Variants in ZNRF1 observed in about 807,000 individuals in gnomAD.
ZNRF1 encodes the protein E3 ubiquitin-protein ligase ZNRF1.
In ZNRF1, 3 loss-of-function variants were observed where a neutral mutation model predicts 18.4. The observed-to-expected ratio is 0.16, with a 90% confidence interval of 0.07 to 0.42. The LOEUF (loss-of-function observed/expected upper bound fraction) is 0.42, where lower values mean the gene tolerates loss of function less well. ZNRF1 is among the 10% of genes least tolerant of loss of function. The pLI, the probability that ZNRF1 is intolerant of heterozygous loss-of-function variation, is 0.99. For missense variants in ZNRF1, 310 were observed against 329.8 expected, an observed-to-expected ratio of 0.94 and a Z score of 0.47; for synonymous variants, 157 against 144.2, an observed-to-expected ratio of 1.09 and a Z score of -0.64.
rs527529707 is a variant in ZNRF1 at position 75,030,133 on chromosome 16, A to G, written c.424+30038A>G. Among the ~76,000 whole-genome samples, 5 of 152,256 alleles carry G rather than the reference A, an allele frequency of 3.3e-5. No homozygotes were observed. The East Asian group carries it at 9.6e-4, about 29-fold the overall frequency. On this transcript the variant is annotated intron_variant, in intron 1 of 4. Coordinates refer to ENST00000335325, the MANE Select transcript of ZNRF1 (RefSeq NM_032268.5). ...CATACAATTCACTCATTCAAAGTAA[A>G]CAGTTGAATGGTTTTTAGTATATTC...
intron 1 of ZNRF1, among the ~76,000 whole-genome samples, chr16:75,044,958 C>T (rs1179970482): frequency 6.6e-6 from 1 of 152,184 alleles, no homozygotes; most frequent in Non-Finnish European, 1.5e-5. Context: ...CATAATACTT[C>T]CACCAGAAGA....
chr16:75,101,748 G>T (rs1050240073), intron 2 of ZNRF1, among the ~76,000 whole-genome samples: 1 of 152,164 alleles, frequency 6.6e-6, no homozygotes, highest in Admixed American at 6.5e-5. Flanking sequence ...TACATAAAAG[G>T]ATTTTTCTCC....
chr16:75,050,825 T>C (rs1210754565), intron 1 of ZNRF1, among the ~76,000 whole-genome samples: 95 of 124,588 alleles, frequency 7.6e-4, no homozygotes, highest in Non-Finnish European at 1.4e-3. Context: ...GAGCCAAGAT[T>C]GCGCCACTGC....
chr16:75,099,548 A>T (rs930779403), intron 2 of ZNRF1, among the ~76,000 whole-genome samples: 1 of 152,208 alleles, frequency 6.6e-6, no homozygotes, highest in African/African-American at 2.4e-5. Context: ...TTGGGCAGTG[A>T]CATTGGCTGG....
At chr16:75,106,244 A>G in intron 3 of ZNRF1, 1 of 530,362 alleles carries the variant, frequency 1.9e-6, no homozygotes. Context: ...TTCCTGCAGC[A>G]CCAGATCCCC....
chr16:75,097,496 G>A (rs1418819433), intron 2 of ZNRF1, among the ~76,000 whole-genome samples: 1 of 152,136 alleles, frequency 6.6e-6, no homozygotes, highest in African/African-American at 2.4e-5. Context: ...CCATCTTTAA[G>A]GCTCTTGAGA....
At chr16:75,032,978 A>G (rs1020520184) in intron 1 of ZNRF1, among the ~76,000 whole-genome samples, 1 of 152,054 alleles carries the variant, frequency 6.6e-6, no homozygotes, top group African/African-American at 2.4e-5. Context: ...ATGCTGCTGC[A>G]CTCCATCTGG....
chr16:75,016,163 G>A (rs1046744567), intron 1 of ZNRF1, among the ~76,000 whole-genome samples: 6 of 151,778 alleles, frequency 4.0e-5, no homozygotes, highest in East Asian at 3.9e-4. Context: ...CTCGTGACCC[G>A]TCCACCGCCT....
rs2036342000 is a variant in ZNRF1, at chr16:75,108,421, C to A, written c.*721C>A. ...CAAGTGTCCTGCAAAAATGCCTGAA[C>A]ATTATTCTTAGGCCCTCGTGGATTT... is the stretch of plus-strand genomic sequence containing the variant. On this transcript the variant is annotated 3_prime_UTR_variant, in exon 5 of 5. Transcript: ENST00000335325. 1.3e-5 allele frequency: 5 copies of A among 394,504 alleles called. No individual in the cohort carries two copies. The East Asian group carries it at 1.8e-4, about 14-fold the overall frequency. The allele number at this position is 394,504 out of a possible 1,614,324, so 24.4% of individuals were successfully genotyped here.
chr16:75,058,405 AAC>A (rs529375202), intron 1 of ZNRF1, among the ~76,000 whole-genome samples: 57 of 152,198 alleles, frequency 3.7e-4, no homozygotes, highest in Non-Finnish European at 6.9e-4. Context: ...CTCTAAGAAT[AAC>A]ACAATAAATG....
intron 1 of ZNRF1, among the ~76,000 whole-genome samples, chr16:75,066,559 G>A (rs537235632): frequency 7.9e-5 from 12 of 152,318 alleles, no homozygotes; most frequent in African/African-American, 2.9e-4. Flanking sequence ...CTGCAGTGCA[G>A]TGGCGCGATG....
At chr16:75,054,161 C>T (rs1306676259) in intron 1 of ZNRF1, among the ~76,000 whole-genome samples, 1 of 152,212 alleles carries the variant, frequency 6.6e-6, no homozygotes, top group Non-Finnish European at 1.5e-5. Flanking sequence ...TGTGGAAAAT[C>T]CTCATCCTGC....
chr16:75,009,498 G>T (rs1265861775), intron 1 of ZNRF1, among the ~76,000 whole-genome samples: 1 of 152,122 alleles, frequency 6.6e-6, no homozygotes, highest in Non-Finnish European at 1.5e-5. Flanking sequence ...TCCATTGTCT[G>T]TCTACCACGT....
intron 1 of ZNRF1, among the ~76,000 whole-genome samples, chr16:75,047,255 C>G (rs1205682496): frequency 6.6e-6 from 1 of 152,202 alleles, no homozygotes; most frequent in African/African-American, 2.4e-5. Flanking sequence ...TCACTGTAAT[C>G]TTGAACTCCT....
chr16:75,034,662 C>T (rs950422817), intron 1 of ZNRF1, among the ~76,000 whole-genome samples: 4 of 152,142 alleles, frequency 2.6e-5, no homozygotes, highest in Non-Finnish European at 5.9e-5. Context: ...GTGCCTGGCT[C>T]CGTTACCCAG....
At chr16:75,008,624 G>A (rs1473119121) in intron 1 of ZNRF1, among the ~76,000 whole-genome samples, 1 of 152,106 alleles carries the variant, frequency 6.6e-6, no homozygotes, top group Non-Finnish European at 1.5e-5. Flanking sequence ...GAACAAAAAC[G>A]TTCATTTATT....
intron 1 of ZNRF1, among the ~76,000 whole-genome samples, chr16:75,000,709 G>T (rs1310033534): frequency 6.6e-6 from 1 of 152,224 alleles, no homozygotes; most frequent in African/African-American, 2.4e-5. Context: ...TCTCGCGGGG[G>T]CTTTGCAGGA....
chr16:75,051,247 G>A (rs565002901), intron 1 of ZNRF1, among the ~76,000 whole-genome samples: 10 of 151,738 alleles, frequency 6.6e-5, no homozygotes, highest in African/African-American at 2.2e-4. Flanking sequence ...TCACTCTGTC[G>A]CCTAGTCTGG....
rs376059968 is a variant in ZNRF1, at chr16:75,107,751, C to A, written c.*51C>A. ...CACACAGGGACAGAGCGCCCCTGCT[C>A]CAGGGAGGAGGCTCACCGGACCCTG... is the stretch of plus-strand genomic sequence containing the variant. On this transcript the variant is annotated 3_prime_UTR_variant, in exon 5 of 5. Transcript: ENST00000335325. 1.1e-5 allele frequency: 5 copies of A among 456,342 alleles called. No homozygotes were observed. The highest frequency in any genetic ancestry group is 2.2e-5 in the Non-Finnish European group (5 of 226,792). 28.3% of individuals were successfully genotyped at this position (456,342 alleles called of 1,614,324 possible).
Sources: gnomAD v4.1 joint callset for allele counts (sites outside exome capture counted in the v4.1 genomes callset) on GRCh38, gnomAD v4.1.1 for gene constraint, MANE v1.5 for transcripts, NCBI Gene and HGNC (gene_info 2026-07-23, HGNC 2026-07-21) for gene names.